VWDE: variants seen among roughly 807,000 people sequenced by gnomAD.
VWDE encodes the protein von Willebrand factor D and EGF domain-containing protein.
Under a neutral mutation model 178.4 loss-of-function variants are expected in VWDE, and 207 were observed. The ratio of observed to expected loss-of-function variants is 1.16; its 90% CI spans 1.04 to 1.30. The LOEUF (loss-of-function observed/expected upper bound fraction) is 1.30. Ranked by LOEUF, VWDE falls within the 50% of genes most tolerant of loss-of-function variation. VWDE has a pLI of 0.00. For missense variants in VWDE, 2,287 were observed against 1,901.3 expected (o/e 1.20, Z -3.77); for synonymous variants, 738 against 651.4 (o/e 1.13, Z -2.02).
intron 26 of VWDE, 68 bp downstream of exon 26, chr7:12,336,920 G>C: frequency 7.1e-7 from 1 of 1,416,754 alleles, no homozygotes. Flanking sequence ...AAAATGCTCT[G>C]TTTTAAACTC....
At chr7:12,390,684 A>G (rs1331949284) in intron 2 of VWDE, among the ~76,000 whole-genome samples, 2 of 151,896 alleles carry the variant, frequency 1.3e-5, no homozygotes, top group African/African-American at 4.8e-5. Flanking sequence ...AAACTCTAAG[A>G]CTACAAATGG....
intron 13 of VWDE, among the ~76,000 whole-genome samples, chr7:12,366,525 A>G (rs944967978): frequency 1.3e-5 from 2 of 152,102 alleles, no homozygotes; most frequent in South Asian, 2.1e-4. Context: ...TTATTACTTC[A>G]TTGGGATTAA....
intron 12 of VWDE, 25 bp downstream of exon 12, chr7:12,369,520 T>A: frequency 2.7e-6 from 4 of 1,488,040 alleles, no homozygotes; most frequent in Non-Finnish European, 3.6e-6. Context: ...ACATGCAATA[T>A]CAAACTTTGA....
intron 19 of VWDE, among the ~76,000 whole-genome samples, chr7:12,350,371 T>C (rs558043188): frequency 1.3e-5 from 2 of 152,220 alleles, no homozygotes; most frequent in East Asian, 1.9e-4. Context: ...TAAGGAAACT[T>C]TGTTAACTAC....
intron 1 of VWDE, among the ~76,000 whole-genome samples, chr7:12,395,603 T>G (rs183105026): frequency 3.3e-5 from 5 of 152,164 alleles, no homozygotes; most frequent in Admixed American, 1.3e-4. Flanking sequence ...ACTCAAAATT[T>G]TATTTATTTA....
rs143154019 is a variant in VWDE at position 12,391,865 on chromosome 7, T to C, written c.243+1729A>G. ...ATAATCTTATATGATGTGATCTCTCTCCAGGGGCCAATGGTAGTTGCATGA... is the reference window on the plus strand; with the variant it reads ...ATAATCTTATATGATGTGATCTCTCCCCAGGGGCCAATGGTAGTTGCATGA... On this transcript the variant is annotated intron_variant, in intron 2 of 28. Transcript: ENST00000275358. Among the ~76,000 whole-genome samples the C allele has an allele frequency of 8.7e-3, 1,322 of 152,280 alleles. 17 individuals carry two copies. Among genetic ancestry groups the C allele is most frequent in the Non-Finnish European group, 0.012 (815 of 68,028 alleles).
Position 12,367,411 on chromosome 7 carries a change from A to G in VWDE, c.2844T>C (p.Phe948=). 5 of 1,546,432 alleles carry G rather than the reference A, an allele frequency of 3.2e-6. No individual in the cohort carries two copies. Among genetic ancestry groups the G allele is most frequent in the Non-Finnish European group, 3.5e-6 (4 of 1,144,148 alleles). ...QKYNCMMVRV[F]GKGFKELPSI... is the part of the protein sequence containing the mutation. ...AAGGTAATTCTTTGAAGCCTTTGCC[A>G]AAAACTCTCACCATCATACAATTAT... Residue 948 remains phenylalanine (F), a synonymous_variant, in exon 13 of 29, where the codon TTT becomes TTC. Transcript: ENST00000275358.
In VWDE at chr7:12,359,599, A is replaced by G; in HGVS notation, c.3253T>C (p.Phe1085Leu). 6.5e-7 allele frequency: 1 copy of G among 1,549,712 alleles called. No homozygotes were observed. The highest frequency in any genetic ancestry group is 8.7e-7 in the Non-Finnish European group (1 of 1,145,666). Reference sequence around the variant, plus strand: ...TTACTTTCTAAAAATGACCAAGTAAATCTTGAAATTTTGGGTCTACAAATC... The same window carrying G: ...TTACTTTCTAAAAATGACCAAGTAAGTCTTGAAATTTTGGGTCTACAAATC... ...CLICRPKISRFTWSFLENNQP... is the reference protein window; with the variant it reads ...CLICRPKISRLTWSFLENNQP... The change falls in exon 16 of 29, where the codon TTT becomes CTT. Residue 1085 changes from phenylalanine (F) to leucine (L), a missense_variant. Physicochemically the swap from Phe to Leu is conservative, Grantham distance 22. Coordinates refer to ENST00000275358, the MANE Select transcript of VWDE (RefSeq NM_001135924.3).
At chr7:12,359,780 A>C in intron 15 of VWDE, 88 bp from the exon 16 acceptor site, 1 of 755,684 alleles carries the variant, frequency 1.3e-6, no homozygotes. Flanking sequence ...GTATGTATTG[A>C]TGATTCCAAC....
At position 12,374,936 on chromosome 7, in the gene VWDE, T is replaced by C; in HGVS notation, c.1242+74A>G. ...CAAAAAATTTTTTACATAAAAAGTT[T>C]ATAAGACATAATGATAAAATACACA... On this transcript the variant is annotated intron_variant, in intron 8 of 28. Coordinates refer to ENST00000275358, the MANE Select transcript of VWDE (RefSeq NM_001135924.3). 2.8e-6 allele frequency: 4 copies of C among 1,414,884 alleles called. No individual in the cohort carries two copies. In the South Asian group the frequency reaches 5.5e-5, roughly 19 times the overall value. The allele number at this position is 1,414,884 out of a possible 1,614,324, so 87.6% of individuals were successfully genotyped here.
Position 12,331,712 on chromosome 7 carries a change from C to T in VWDE, c.4759-515G>A, listed in dbSNP as rs3815533. On this transcript the variant is annotated intron_variant, in intron 28 of 28. Transcript: ENST00000275358. ...CTAACATTAGGTGCTACTATTAATG[C>T]CATATTGCAGATGAGAAAACTGAGA... 2.7e-3 allele frequency among the ~76,000 whole-genome samples: 412 copies of T among 152,138 alleles called. 11 individuals are homozygous for T. In the East Asian group the frequency reaches 0.068, roughly 25 times the overall value.
In VWDE at chr7:12,336,081, A is replaced by G. The variant is rs1781008043; in HGVS notation, c.4654+60T>C. 6.5e-6 allele frequency: 9 copies of G among 1,393,614 alleles called. No homozygotes were observed. The East Asian group carries it at 7.6e-5, about 12-fold the overall frequency. The allele number at this position is 1,393,614 out of a possible 1,614,324, so 86.3% of individuals were successfully genotyped here. On this transcript the variant is annotated intron_variant, in intron 27 of 28. Coordinates refer to ENST00000275358, the MANE Select transcript of VWDE (RefSeq NM_001135924.3). The stretch of plus-strand genomic sequence containing the variant: ...TGGACTTGTCCTAAAGCTATACTTT[A>G]ATTATTATAACAGATTCCAATTCAG...
chr7:12,361,084 C>A (rs2053381), intron 15 of VWDE, 63 bp downstream of exon 15: 122,190 of 1,022,018 alleles, frequency 0.12, 8,346 homozygotes, highest in Non-Finnish European at 0.14. Flanking sequence ...TTAATGTGCC[C>A]ACAGCATAGG....
At chr7:12,341,344 C>T (rs188566306) in intron 23 of VWDE, among the ~76,000 whole-genome samples, 180 of 152,122 alleles carry the variant, frequency 1.2e-3, no homozygotes, top group Non-Finnish European at 1.9e-3. Flanking sequence ...GCCAAAGAAA[C>T]AAGCTTACGC....
At chr7:12,398,852 C>T (rs191069432) in intron 1 of VWDE, among the ~76,000 whole-genome samples, 116 of 152,148 alleles carry the variant, frequency 7.6e-4, no homozygotes, top group African/African-American at 2.7e-3. Flanking sequence ...TGGGTACCCA[C>T]AGACATAAAG....
chr7:12,383,140 G>C (rs144973579), intron 4 of VWDE, among the ~76,000 whole-genome samples: 22 of 152,114 alleles, frequency 1.4e-4, no homozygotes, highest in African/African-American at 5.1e-4. Context: ...GCAGTTACTG[G>C]ATGTTTGCAG....
At chr7:12,372,712 G>C (rs1306446659) in intron 10 of VWDE, among the ~76,000 whole-genome samples, 1 of 151,990 alleles carries the variant, frequency 6.6e-6, no homozygotes, top group Non-Finnish European at 1.5e-5. Context: ...ATTACACGTT[G>C]TTAAAAGTAA....
At chr7:12,339,259 G>A (rs1781199968) in intron 24 of VWDE, among the ~76,000 whole-genome samples, 1 of 152,178 alleles carries the variant, frequency 6.6e-6, no homozygotes, top group Admixed American at 6.5e-5. Flanking sequence ...TATACAACTG[G>A]CATATACATT....
In VWDE at chr7:12,380,681, C is replaced by A; in HGVS notation, c.594G>T (p.Leu198=). 6.4e-7 allele frequency: 1 copy of A among 1,551,986 alleles called. No homozygotes were observed. Among genetic ancestry groups the A allele is most frequent in the Non-Finnish European group, 8.7e-7 (1 of 1,147,048 alleles). Residue 198 remains leucine (L), a synonymous_variant, in exon 5 of 29, where the codon CTG becomes CTT. Transcript: ENST00000275358. ...AAAGCCTGGACTCAATCAACTCCACCAGAACCTCTGGCCTTCCTGCAGGTG... is the reference window on the plus strand; with the variant it reads ...AAAGCCTGGACTCAATCAACTCCACAAGAACCTCTGGCCTTCCTGCAGGTG... The part of the protein sequence containing the change: ...PPPPAGRPEV[L]VELIESRLFC...
Sources: gnomAD v4.1 joint callset for allele counts (sites outside exome capture counted in the v4.1 genomes callset) on GRCh38, gnomAD v4.1.1 for gene constraint, MANE v1.5 for transcripts, NCBI Gene and HGNC (gene_info 2026-07-23, HGNC 2026-07-21) for gene names.